Variants in ZNF618 observed in about 807,000 individuals in gnomAD.
ZNF618 encodes zinc finger protein 618, also known as neural precursor cell expressed, developmentally down-regulated 10.
In ZNF618, 34 loss-of-function variants were observed where a neutral mutation model predicts 103.0. The ratio of observed to expected loss-of-function variants is 0.33; its 90% CI spans 0.25 to 0.44. The LOEUF (loss-of-function observed/expected upper bound fraction) is 0.44. ZNF618 is among the 20% of genes least tolerant of loss of function. The pLI is 1.00. For synonymous variants in ZNF618, 551 were observed against 542.2 expected (o/e 1.02, Z -0.23); for missense variants, 1,059 against 1,295.4 (o/e 0.82, Z 2.80).
At chr9:114,016,835 T>C in intron 10 of ZNF618, 51 bp downstream of exon 10, 3 of 1,489,488 alleles carry the variant, frequency 2.0e-6, no homozygotes, top group African/African-American at 1.4e-5. Flanking sequence ...CGGGACAGGG[T>C]GGGCCAGCCG....
chr9:113,916,072 C>CTGTG (rs34639802), intron 1 of ZNF618, among the ~76,000 whole-genome samples: 8 of 149,800 alleles, frequency 5.3e-5, no homozygotes, highest in South Asian at 4.2e-4. Context: ...GCGCGTGTGT[C>CTGTG]TGTGTGTGTG....
intron 1 of ZNF618, among the ~76,000 whole-genome samples, chr9:113,938,267 G>A (rs1382952386): frequency 7.1e-6 from 1 of 140,396 alleles, no homozygotes; most frequent in African/African-American, 2.6e-5. Context: ...TCAAACTCCT[G>A]GTCTCCAGTG....
intron 6 of ZNF618, among the ~76,000 whole-genome samples, chr9:114,006,202 G>A (rs1429134263): frequency 6.6e-6 from 1 of 152,226 alleles, no homozygotes; most frequent in African/African-American, 2.4e-5. Context: ...CCTGTATTTG[G>A]GTTCTGAGGG....
At chr9:113,927,886 A>G (rs534453241) in intron 1 of ZNF618, among the ~76,000 whole-genome samples, 11 of 152,324 alleles carry the variant, frequency 7.2e-5, no homozygotes, top group East Asian at 1.9e-4. Flanking sequence ...TCGTCTTTCA[A>G]GCGAGTTCAT....
chr9:113,981,662 G>C (rs574642964), intron 2 of ZNF618, among the ~76,000 whole-genome samples: 1 of 152,348 alleles, frequency 6.6e-6, no homozygotes, highest in Admixed American at 6.5e-5. Context: ...GCCTGAAATG[G>C]CATCTCTTTG....
chr9:114,000,243 C>CT (rs1183766563), intron 4 of ZNF618, among the ~76,000 whole-genome samples: 1 of 152,052 alleles, frequency 6.6e-6, no homozygotes, highest in Non-Finnish European at 1.5e-5. Context: ...CATGATGAAC[C>CT]TCGTTGATAC....
intron 2 of ZNF618, among the ~76,000 whole-genome samples, chr9:113,977,692 G>A (rs569625451): frequency 1.7e-4 from 26 of 152,300 alleles, no homozygotes; most frequent in Admixed American, 5.2e-4. Context: ...CGAAGGTAGC[G>A]TGTCTGTTTA....
chr9:113,924,409 CTTCTT>C (rs1832893927), intron 1 of ZNF618, among the ~76,000 whole-genome samples: 2 of 145,450 alleles, frequency 1.4e-5, no homozygotes, highest in Non-Finnish European at 3.0e-5. Flanking sequence ...TCTTCTTCTT[CTTCTT>C]CTTCTTCTTC....
intron 1 of ZNF618, among the ~76,000 whole-genome samples, chr9:113,880,406 T>C (rs1300530946): frequency 6.6e-6 from 1 of 152,160 alleles, no homozygotes; most frequent in East Asian, 1.9e-4. Context: ...AGGATAATAA[T>C]AAATAGGTTT....
intron 1 of ZNF618, among the ~76,000 whole-genome samples, chr9:113,900,779 A>T (rs1161466129): frequency 8.6e-6 from 1 of 116,108 alleles, no homozygotes; most frequent in Non-Finnish European, 1.8e-5. Context: ...GTCTCCTAGC[A>T]CCGTCCTCTC....
Position 114,049,622 on chromosome 9 carries a change from A to G in ZNF618, c.2320A>G (p.Lys774Glu). Residue 774 changes from lysine to glutamate, a missense_variant, in exon 15 of 15, where the codon AAG becomes GAG. Physicochemically the swap from Lys to Glu is moderately conservative, Grantham distance 56 (BLOSUM62 1). Transcript: ENST00000374126. ...CAGGCTGGAGAAGCTGTTCACGGCC[A>G]AGGCCAACGACGCAGGCACTGTCAG... is the stretch of plus-strand genomic sequence containing the variant. ...YVRLEKLFTA[K>E]ANDAGTVSKL... 6.2e-7 allele frequency: 1 copy of G among 1,613,854 alleles called. No homozygotes were observed. Among genetic ancestry groups the G allele is most frequent in the Non-Finnish European group, 8.5e-7 (1 of 1,179,896 alleles).
chr9:114,016,697 A>G lies in ZNF618; in HGVS notation c.757A>G (p.Thr253Ala). The part of the protein sequence containing the change: ...PEPFQKIGPK[T>A]GNYTCEFCGK... ...ACCTTCGTTTCCTTCCTGGACAGAAACTGGCAATTACACCTGTGAATTCTG... is the reference window on the plus strand; with the variant it reads ...ACCTTCGTTTCCTTCCTGGACAGAAGCTGGCAATTACACCTGTGAATTCTG... The change falls in exon 10 of 15, where the codon ACT becomes GCT. Residue 253 changes from threonine to alanine, a missense_variant and splice_region_variant. Physicochemically the swap from Thr to Ala is moderately conservative, Grantham distance 58. Coordinates refer to ENST00000374126, the MANE Select transcript of ZNF618 (RefSeq NM_001318042.2). 2 of 1,613,562 alleles carry G rather than the reference A, an allele frequency of 1.2e-6. No individual in the cohort carries two copies. The highest frequency in any genetic ancestry group is 1.7e-6 in the Non-Finnish European group (2 of 1,179,712).
chr9:114,027,183 G>C (rs1462769438), intron 10 of ZNF618, among the ~76,000 whole-genome samples: 1 of 152,228 alleles, frequency 6.6e-6, no homozygotes, highest in African/African-American at 2.4e-5. Flanking sequence ...CCTCGGCTCA[G>C]AAAGAGAGAC....
Position 114,007,153 on chromosome 9 carries a change from C to T in ZNF618, c.551-197C>T, listed in dbSNP as rs368435187. On this transcript the variant is annotated intron_variant, in intron 6 of 14. Transcript: ENST00000374126. ...TGTCCCCAAGGCTGCTCATCACCGG[C>T]CCTCCCGGCTGTGCCCTTGGGGCAA... Among the ~76,000 whole-genome samples, 10 of 152,300 alleles carry T rather than the reference C, an allele frequency of 6.6e-5. No individual in the cohort carries two copies. The East Asian group carries it at 1.5e-3, about 24-fold the overall frequency.
At chr9:113,973,665 A>G (rs1838214314) in intron 2 of ZNF618, among the ~76,000 whole-genome samples, 1 of 152,242 alleles carries the variant, frequency 6.6e-6, no homozygotes, top group Non-Finnish European at 1.5e-5. Flanking sequence ...TCTAAGGGTC[A>G]GGGAGGCTGT....
intron 10 of ZNF618, among the ~76,000 whole-genome samples, chr9:114,023,812 T>C (rs1157774399): frequency 1.3e-5 from 2 of 152,162 alleles, no homozygotes; most frequent in African/African-American, 4.8e-5. Flanking sequence ...TGATGAAAAG[T>C]CAGAGATCAT....
intron 13 of ZNF618, among the ~76,000 whole-genome samples, chr9:114,041,360 T>C: frequency 6.6e-6 from 1 of 152,226 alleles, no homozygotes; most frequent in Admixed American, 6.5e-5. Context: ...ATTTTGGCTT[T>C]TGTTGCCATT....
At chr9:114,047,001 A>G (rs922275498) in intron 13 of ZNF618, among the ~76,000 whole-genome samples, 1 of 152,174 alleles carries the variant, frequency 6.6e-6, no homozygotes, top group Non-Finnish European at 1.5e-5. Context: ...AGAGCCAGAA[A>G]CCTAGGACTT....
intron 5 of ZNF618, among the ~76,000 whole-genome samples, 152 bp from the exon 6 acceptor site, chr9:114,002,472 C>T (rs1414937584): frequency 1.3e-5 from 2 of 152,168 alleles, no homozygotes; most frequent in Non-Finnish European, 2.9e-5. Context: ...CTCCCGGAGC[C>T]TGGCAGACAG....
Sources: allele counts gnomAD v4.1 joint callset (sites outside exome capture counted in the v4.1 genomes callset), GRCh38; gene constraint gnomAD v4.1.1; transcripts MANE v1.5; gene names NCBI Gene and HGNC (gene_info 2026-07-23, HGNC 2026-07-21).